C6orf62: variants seen among roughly 807,000 people sequenced by gnomAD.
The protein encoded by C6orf62 is chromosome 6 open reading frame 62, also known as uncharacterized protein C6orf62.
A neutral mutation model predicts 26.8 loss-of-function variants in C6orf62; 16 were observed. The observed-to-expected ratio is 0.60, with a 90% confidence interval of 0.40 to 0.91. The LOEUF (loss-of-function observed/expected upper bound fraction) is 0.91, where lower values mean the gene tolerates loss of function less well. C6orf62 is among the 40% of genes least tolerant of loss of function. The pLI is 0.00. For missense variants in C6orf62, 192 were observed against 271.4 expected, an observed-to-expected ratio of 0.71 and a Z score of 2.06; for synonymous variants, 112 against 91.5, an observed-to-expected ratio of 1.22 and a Z score of -1.28.
chr6:24,720,382 G>C, upstream of C6orf62: 1 of 1,191,242 alleles, frequency 8.4e-7, no homozygotes, highest in Non-Finnish European at 1.0e-6. Flanking sequence ...GCTGCAGTGC[G>C]CACCGTGACT....
intron 4 of C6orf62, chr6:24,707,021 C>T (rs1779023579): frequency 6.6e-6 from 1 of 152,204 alleles, no homozygotes; most frequent in Non-Finnish European, 1.5e-5. Context: ...ACCATTTGAA[C>T]ATCCAACTTA....
chr6:24,712,109 G>C (rs1249942667), intron 3 of C6orf62, among the ~76,000 whole-genome samples: 1 of 152,174 alleles, frequency 6.6e-6, no homozygotes, highest in Non-Finnish European at 1.5e-5. Flanking sequence ...CTAAGGCCAA[G>C]TGTGGTGGCT....
intron 2 of C6orf62, among the ~76,000 whole-genome samples, chr6:24,715,553 C>G (rs1377107189): frequency 6.6e-6 from 1 of 152,004 alleles, no homozygotes; most frequent in African/African-American, 2.4e-5. Flanking sequence ...TTATTAAAAA[C>G]AGTTGGCTAC....
chr6:24,706,316 G>A, intron 4 of C6orf62, 54 bp from the exon 5 acceptor site: 1 of 1,592,994 alleles, frequency 6.3e-7, no homozygotes, highest in South Asian at 1.1e-5. Context: ...TAGCGTAACT[G>A]TCACATGAAG....
intron 4 of C6orf62, among the ~76,000 whole-genome samples, chr6:24,706,556 A>G (rs1779013123): frequency 6.6e-6 from 1 of 152,220 alleles, no homozygotes; most frequent in Non-Finnish European, 1.5e-5. Context: ...AGTCATTTTT[A>G]TATAGAGGAA....
chr6:24,720,469 G>C, upstream of C6orf62: 6 of 955,346 alleles, frequency 6.3e-6, no homozygotes, highest in Non-Finnish European at 7.7e-6. Context: ...GGCGGCAACG[G>C]AGGGGAAGGA....
chr6:24,710,027 C>A (rs1779088927), intron 3 of C6orf62: 1 of 983,732 alleles, frequency 1.0e-6, no homozygotes, highest in Non-Finnish European at 1.2e-6. Context: ...TACAGCATCA[C>A]AATATACCAT....
upstream of C6orf62, chr6:24,720,621 TAA>T (rs1360440989): frequency 6.5e-6 from 1 of 154,756 alleles, no homozygotes; most frequent in Admixed American, 6.5e-5. Flanking sequence ...CCCCCCAAAA[TAA>T]AGTTATTTCA....
chr6:24,709,970 A>G (rs1562168625), intron 3 of C6orf62: 1 of 985,268 alleles, frequency 1.0e-6, no homozygotes, highest in Admixed American at 6.1e-5. Flanking sequence ...GCTATGTAGC[A>G]TTTTATACCT....
chr6:24,706,286 A>G (rs773679969), intron 4 of C6orf62, 24 bp from the exon 5 acceptor site: 9 of 1,612,852 alleles, frequency 5.6e-6, no homozygotes, highest in Non-Finnish European at 7.6e-6. Context: ...ACATTTTAAT[A>G]TTTTTTAAAA....
At chr6:24,713,636 G>T (rs1435719842) in intron 3 of C6orf62, among the ~76,000 whole-genome samples, 2 of 151,942 alleles carry the variant, frequency 1.3e-5, no homozygotes, top group Non-Finnish European at 2.9e-5. Flanking sequence ...AATTATAAAG[G>T]AAACACAAAT....
upstream of C6orf62, chr6:24,719,313 T>C (rs571883535): frequency 3.5e-5 from 35 of 993,588 alleles, no homozygotes; most frequent in East Asian, 3.4e-3. Flanking sequence ...ACTATTGCTA[T>C]GTATTGTCAG....
chr6:24,712,530 G>T (rs753897691), intron 3 of C6orf62, among the ~76,000 whole-genome samples: 1 of 151,810 alleles, frequency 6.6e-6, no homozygotes, highest in Non-Finnish European at 1.5e-5. Context: ...TTAGCTGGGC[G>T]TGGTGGCATG....
chr6:24,717,144 T>C (rs997209981), intron 1 of C6orf62, among the ~76,000 whole-genome samples: 2 of 152,252 alleles, frequency 1.3e-5, no homozygotes, highest in African/African-American at 4.8e-5. Flanking sequence ...GTATATATCA[T>C]GAATTATTCA....
At chr6:24,717,002 C>T (rs946271074) in intron 1 of C6orf62, among the ~76,000 whole-genome samples, 4 of 152,168 alleles carry the variant, frequency 2.6e-5, no homozygotes, top group South Asian at 2.1e-4. Flanking sequence ...GGATTACAGC[C>T]GTGAGCCACT....
At chr6:24,711,005 A>G (rs778040245) in intron 3 of C6orf62, among the ~76,000 whole-genome samples, 29 of 151,298 alleles carry the variant, frequency 1.9e-4, no homozygotes, top group Non-Finnish European at 3.8e-4. Context: ...ATCTCAAAAC[A>G]AAACAAAAAA....
At chr6:24,714,479 G>C in intron 2 of C6orf62, 39 bp from the exon 3 acceptor site, 2 of 1,478,590 alleles carry the variant, frequency 1.4e-6, no homozygotes, top group Non-Finnish European at 1.8e-6. Flanking sequence ...TACTTTTAAA[G>C]AAACAGCTAC....
chr6:24,708,745 G>A (rs748277811), intron 4 of C6orf62, 32 bp downstream of exon 4: 2 of 1,613,652 alleles, frequency 1.2e-6, no homozygotes, highest in South Asian at 2.2e-5. Flanking sequence ...TTTTGAATGA[G>A]CCTGTAAGTG....
chr6:24,718,330 T>C (rs1779277202), intron 1 of C6orf62, among the ~76,000 whole-genome samples: 1 of 152,242 alleles, frequency 6.6e-6, no homozygotes, highest in East Asian at 1.9e-4. Flanking sequence ...TCAAATTTAT[T>C]TCCAAACCAA....
Sources: allele counts gnomAD v4.1 joint callset (sites outside exome capture counted in the v4.1 genomes callset), GRCh38; gene constraint gnomAD v4.1.1; transcripts MANE v1.5; gene names NCBI Gene and HGNC (gene_info 2026-07-23, HGNC 2026-07-21).